UTRN: variants seen among roughly 807,000 people sequenced by gnomAD.
UTRN encodes the protein utrophin.
A neutral mutation model predicts 463.9 loss-of-function variants in UTRN; 283 were observed. The ratio of observed to expected loss-of-function variants is 0.61; its 90% CI spans 0.55 to 0.67. The LOEUF (loss-of-function observed/expected upper bound fraction) is 0.67. Among genes scored for constraint, UTRN ranks in the 30% least tolerant of loss-of-function variants. The pLI is 0.00. For missense variants in UTRN, 3,922 were observed against 4,084.3 expected, an observed-to-expected ratio of 0.96 and a Z score of 1.08; for synonymous variants, 1,442 against 1,431.5, an observed-to-expected ratio of 1.01 and a Z score of -0.17.
chr6:144,319,630 C>T (rs1202137146), intron 2 of UTRN, among the ~76,000 whole-genome samples: 4 of 152,090 alleles, frequency 2.6e-5, no homozygotes, highest in Non-Finnish European at 5.9e-5. Context: ...TGCAGTGGCG[C>T]CATCTCGGCT....
At position 144,451,368 on chromosome 6, in the gene UTRN, A is replaced by G. The variant is rs1358654531; in HGVS notation, c.2073-2A>G. On this transcript the variant is annotated splice_acceptor_variant, in intron 17 of 74. Transcript: ENST00000367545. LOFTEE classifies it high-confidence loss of function. Reference sequence around the variant, plus strand: ...AATGGTCACCTCTGAATCTTCAAACAGGTTTGATGCTATAAGTGCAGAGCT... The same window carrying G: ...AATGGTCACCTCTGAATCTTCAAACGGGTTTGATGCTATAAGTGCAGAGCT... The G allele has an allele frequency of 6.2e-7, 1 of 1,608,544 alleles. No individual in the cohort carries two copies. The highest frequency in any genetic ancestry group is 2.2e-5 in the East Asian group (1 of 44,806).
chr6:144,459,276 C>T lies in UTRN; in HGVS notation c.2629C>T (p.Arg877Trp), dbSNP rs747261407. 94 of 1,613,900 alleles carry T rather than the reference C, an allele frequency of 5.8e-5. 1 individual carries two copies. The highest frequency in any genetic ancestry group is 7.3e-5 in the Non-Finnish European group (86 of 1,180,000). Residue 877 changes from arginine (R) to tryptophan (W), a missense_variant, in exon 21 of 75, where the codon CGG (arginine) becomes TGG (tryptophan). Physicochemically the swap from Arg to Trp is moderately radical, Grantham distance 101. This residue lies in a region of UTRN where 2,349 missense variants were observed against 2,303.8 expected (regional missense o/e 1.02). Coordinates refer to ENST00000367545, the MANE Select transcript of UTRN (RefSeq NM_007124.3). ...GCCTTCTGCCCCAGATTTTGTCCAGCGGGGCTTCGATAGCTTTCTGGGCCG... is the reference window on the plus strand; with the variant it reads ...GCCTTCTGCCCCAGATTTTGTCCAGTGGGGCTTCGATAGCTTTCTGGGCCG... ...SQPSAPDFVQ[R>W]GFDSFLGRYQ...
chr6:144,398,366 C>A, intron 2 of UTRN: 1 of 359,210 alleles, frequency 2.8e-6, no homozygotes, highest in Non-Finnish European at 5.6e-6. Context: ...CTTATTCTCA[C>A]CAGGGACTTC....
intron 51 of UTRN, among the ~76,000 whole-genome samples, chr6:144,633,948 T>A (rs1776822032): frequency 6.6e-6 from 1 of 152,226 alleles, no homozygotes. Flanking sequence ...GTTTTTGGAT[T>A]AGATGTGCAG....
At position 144,393,573 on chromosome 6, in the gene UTRN, G is replaced by A. The variant is rs74857078; in HGVS notation, c.80-9550G>A. Among the ~76,000 whole-genome samples, 1,133 of 152,318 alleles carry A rather than the reference G, an allele frequency of 7.4e-3. 20 individuals are homozygous for A. The highest frequency in any genetic ancestry group is 0.025 in the African/African-American group (1,038 of 41,568). On this transcript the variant is annotated intron_variant, in intron 2 of 74. Transcript: ENST00000367545. ...CACATGGTGCAGGGAGCCCAGACTG[G>A]TACAGCAGGATGGCTCTGTGGCTGA...
At chr6:144,517,898 A>G (rs991491311) in intron 39 of UTRN, among the ~76,000 whole-genome samples, 1 of 152,204 alleles carries the variant, frequency 6.6e-6, no homozygotes, top group Non-Finnish European at 1.5e-5. Flanking sequence ...TTATTAAGCA[A>G]TGCATGACTA....
At position 144,833,832 on chromosome 6, in the gene UTRN, G is replaced by A. The variant is rs553030576; in HGVS notation, c.9666-1948G>A. Among the ~76,000 whole-genome samples the A allele has an allele frequency of 1.2e-4, 19 of 152,256 alleles. No individual in the cohort carries two copies. The South Asian group carries it at 3.7e-3, about 30-fold the overall frequency. ...CTTCTGCCCCGGATAACACAGCTAGGTTTAGGGTGTTGGCCATTTACTTCC... is the reference window on the plus strand; with the variant it reads ...CTTCTGCCCCGGATAACACAGCTAGATTTAGGGTGTTGGCCATTTACTTCC... On this transcript the variant is annotated intron_variant, in intron 69 of 74. Transcript: ENST00000367545.
intron 58 of UTRN, among the ~76,000 whole-genome samples, chr6:144,763,056 G>A (rs1234620087): frequency 6.6e-6 from 1 of 152,138 alleles, no homozygotes; most frequent in Non-Finnish European, 1.5e-5. Context: ...GGAGTCTGCA[G>A]TGCAGATGTT....
intron 3 of UTRN, among the ~76,000 whole-genome samples, chr6:144,418,987 C>T (rs1784599526): frequency 6.6e-6 from 1 of 152,100 alleles, no homozygotes; most frequent in Admixed American, 6.5e-5. Flanking sequence ...TATATAACCC[C>T]ATTTGTTTCT....
chr6:144,445,925 C>T (rs1787650182), intron 14 of UTRN, among the ~76,000 whole-genome samples: 1 of 151,828 alleles, frequency 6.6e-6, no homozygotes, highest in Admixed American at 6.6e-5. Context: ...ACTCAGGAGG[C>T]TATGGAGGCA....
At chr6:144,390,596 C>G (rs1355568255) in intron 2 of UTRN, among the ~76,000 whole-genome samples, 1 of 152,172 alleles carries the variant, frequency 6.6e-6, no homozygotes, top group African/African-American at 2.4e-5. Flanking sequence ...CCAAAGGAAC[C>G]TCTTCACAGT....
chr6:144,612,759 T>G (rs1805659967), intron 51 of UTRN, among the ~76,000 whole-genome samples: 1 of 152,088 alleles, frequency 6.6e-6, no homozygotes, highest in Admixed American at 6.6e-5. Flanking sequence ...TGAGTGGGAA[T>G]GTAAATTAGT....
At chr6:144,654,762 G>C in intron 51 of UTRN, among the ~76,000 whole-genome samples, 1 of 152,206 alleles carries the variant, frequency 6.6e-6, no homozygotes, top group East Asian at 1.9e-4. Context: ...TGGTTTGGAA[G>C]CATTAACTTG....
intron 39 of UTRN, among the ~76,000 whole-genome samples, chr6:144,517,690 C>T (rs775620060): frequency 2.0e-5 from 3 of 152,162 alleles, no homozygotes; most frequent in South Asian, 2.1e-4. Flanking sequence ...TACATAAATA[C>T]TTCCAACTGT....
intron 43 of UTRN, among the ~76,000 whole-genome samples, chr6:144,536,957 T>C (rs1307756650): frequency 1.3e-5 from 2 of 152,068 alleles, no homozygotes; most frequent in African/African-American, 4.8e-5. Context: ...AAATTTTTGC[T>C]TTGTTTTTTT....
intron 2 of UTRN, chr6:144,330,966 A>T: frequency 5.1e-6 from 5 of 985,370 alleles, no homozygotes; most frequent in Non-Finnish European, 4.8e-6. Context: ...GCCGACGAGA[A>T]ATGGAAGTGA....
At chr6:144,451,283 T>C in intron 17 of UTRN, 87 bp from the exon 18 acceptor site, 1 of 1,483,952 alleles carries the variant, frequency 6.7e-7, no homozygotes, top group Non-Finnish European at 9.0e-7. Context: ...GACATATTCC[T>C]GATGAGCATT....
intron 3 of UTRN, among the ~76,000 whole-genome samples, chr6:144,418,866 A>T (rs868279967): frequency 1.3e-5 from 2 of 152,018 alleles, no homozygotes; most frequent in African/African-American, 4.8e-5. Context: ...GTTTTATATT[A>T]TACTATTTTT....
At chr6:144,433,997 G>A (rs1156636412) in intron 9 of UTRN, among the ~76,000 whole-genome samples, 4 of 152,220 alleles carry the variant, frequency 2.6e-5, no homozygotes, top group Admixed American at 2.6e-4. Flanking sequence ...CAGGCGGCTG[G>A]GATGTGGAGG....
Sources: allele counts gnomAD v4.1 joint callset (sites outside exome capture counted in the v4.1 genomes callset), GRCh38; gene constraint gnomAD v4.1.1; regional missense constraint gnomAD v4.1.1; transcripts MANE v1.5; gene names NCBI Gene and HGNC (gene_info 2026-07-23, HGNC 2026-07-21).